Variants in GABRB2 observed in about 807,000 individuals in gnomAD.
GABRB2 encodes gamma-aminobutyric acid type A receptor subunit beta2, also known as gamma-aminobutyric acid receptor subunit beta-2.
A neutral mutation model predicts 54.7 loss-of-function variants in GABRB2; 16 were observed. That is an observed-to-expected ratio of 0.29 (90% CI 0.20 to 0.44). GABRB2 has a LOEUF of 0.44. Ranked by LOEUF, GABRB2 falls within the 20% of genes least tolerant of loss-of-function variation. The probability of loss-of-function intolerance (pLI) is 1.00; values close to 1 mark genes in which losing one functional copy is unlikely to be tolerated. For missense variants in GABRB2, 355 were observed against 644.0 expected (o/e 0.55, Z 4.86); for synonymous variants, 244 against 233.8 (o/e 1.04, Z -0.40).
intron 5 of GABRB2, among the ~76,000 whole-genome samples, chr5:161,373,275 C>A (rs1755184545): frequency 1.3e-5 from 2 of 152,066 alleles, no homozygotes; most frequent in South Asian, 4.1e-4. Flanking sequence ...TCTTACTGTC[C>A]CCACACATTC....
intron 4 of GABRB2, among the ~76,000 whole-genome samples, chr5:161,412,188 A>G (rs1756533244): frequency 6.6e-6 from 1 of 152,184 alleles, no homozygotes; most frequent in Admixed American, 6.5e-5. Flanking sequence ...GACTGAGCCT[A>G]TGGAATTCCT....
At chr5:161,375,214 A>G (rs1486359886) in intron 5 of GABRB2, among the ~76,000 whole-genome samples, 2 of 152,208 alleles carry the variant, frequency 1.3e-5, no homozygotes, top group Non-Finnish European at 1.5e-5. Flanking sequence ...TGAAAGCACC[A>G]AGGGGAAAGA....
chr5:161,300,877 AC>A (rs1401890476), intron 9 of GABRB2, among the ~76,000 whole-genome samples: 1 of 152,196 alleles, frequency 6.6e-6, no homozygotes, highest in Non-Finnish European at 1.5e-5. Flanking sequence ...GAGACTGACC[AC>A]AGTCCACACC....
intron 5 of GABRB2, among the ~76,000 whole-genome samples, chr5:161,344,342 A>G (rs1754256371): frequency 6.6e-6 from 1 of 152,082 alleles, no homozygotes; most frequent in African/African-American, 2.4e-5. Flanking sequence ...TTTTTCTGCA[A>G]ATTTGTAGTC....
At chr5:161,311,357 T>C (rs1757863245) in intron 9 of GABRB2, among the ~76,000 whole-genome samples, 4 of 152,052 alleles carry the variant, frequency 2.6e-5, no homozygotes, top group Admixed American at 2.6e-4. Context: ...TAAAACAGCT[T>C]CACACGCAAT....
chr5:161,389,516 T>C (rs190327945), intron 5 of GABRB2, among the ~76,000 whole-genome samples: 41 of 151,866 alleles, frequency 2.7e-4, no homozygotes, highest in African/African-American at 9.4e-4. Flanking sequence ...TTGATAGATA[T>C]ATAAAAACAT....
intron 3 of GABRB2, among the ~76,000 whole-genome samples, chr5:161,486,736 TCTC>T (rs1758937483): frequency 6.6e-6 from 1 of 151,806 alleles, no homozygotes; most frequent in Non-Finnish European, 1.5e-5. Context: ...TCCTCCTAAG[TCTC>T]CTCCTCCATG....
chr5:161,459,599 A>G, intron 4 of GABRB2, 25 bp downstream of exon 4: 2 of 1,579,598 alleles, frequency 1.3e-6, no homozygotes, highest in Admixed American at 1.7e-5. Flanking sequence ...AGGAAAAGTT[A>G]TATTTTGAAT....
intron 5 of GABRB2, among the ~76,000 whole-genome samples, chr5:161,382,228 G>A (rs1304737065): frequency 2.0e-5 from 3 of 152,180 alleles, no homozygotes; most frequent in East Asian, 3.9e-4. Flanking sequence ...GTTCCCTCCA[G>A]TCCCAGGAAG....
rs939672044 is a variant in GABRB2, at chr5:161,288,655, T to C, written c.*5426A>G. Reference sequence around the variant, plus strand: ...TGAAAATAGATGCAATGATATCCACTGTGTTTTGCATTTTTCTAGCCATCG... The same window carrying C: ...TGAAAATAGATGCAATGATATCCACCGTGTTTTGCATTTTTCTAGCCATCG... On this transcript the variant is annotated 3_prime_UTR_variant, in exon 10 of 10. Transcript: ENST00000393959. The C allele has an allele frequency of 4.6e-5, 7 of 152,470 alleles. No homozygotes were observed. The highest frequency in any genetic ancestry group is 4.6e-4 in the Admixed American group (7 of 15,250). The allele number at this position is 152,470 out of a possible 1,614,324, so 9.4% of individuals were successfully genotyped here. A position where few individuals can be genotyped will look rare whatever the true frequency, so the allele number is the denominator to read the frequency against.
At chr5:161,453,287 G>C (rs1044297706) in intron 4 of GABRB2, among the ~76,000 whole-genome samples, 1 of 152,156 alleles carries the variant, frequency 6.6e-6, no homozygotes, top group African/African-American at 2.4e-5. Context: ...TTTATAATTA[G>C]ATTGTCCTGA....
intron 3 of GABRB2, among the ~76,000 whole-genome samples, chr5:161,520,886 T>A (rs905863692): frequency 6.6e-6 from 1 of 152,032 alleles, no homozygotes; most frequent in Non-Finnish European, 1.5e-5. Flanking sequence ...TAGACCCTAA[T>A]GATCAATACA....
At chr5:161,512,815 C>A (rs1190689650) in intron 3 of GABRB2, among the ~76,000 whole-genome samples, 1 of 151,636 alleles carries the variant, frequency 6.6e-6, no homozygotes, top group Non-Finnish European at 1.5e-5. Flanking sequence ...AGAATGCATC[C>A]AACAAAGGTC....
intron 3 of GABRB2, among the ~76,000 whole-genome samples, chr5:161,531,639 A>G (rs1760465778): frequency 6.6e-6 from 1 of 152,098 alleles, no homozygotes; most frequent in African/African-American, 2.4e-5. Flanking sequence ...TTACATACCT[A>G]TGATCCAATA....
chr5:161,388,506 T>C (rs775367398), intron 5 of GABRB2, among the ~76,000 whole-genome samples: 12 of 152,042 alleles, frequency 7.9e-5, no homozygotes, highest in Non-Finnish European at 1.6e-4. Flanking sequence ...GATACACACA[T>C]TCTTGACTAA....
chr5:161,388,405 A>C (rs977214425), intron 5 of GABRB2, among the ~76,000 whole-genome samples: 1 of 152,018 alleles, frequency 6.6e-6, no homozygotes, highest in African/African-American at 2.4e-5. Flanking sequence ...AGCCTATCGA[A>C]ATTTTTCAAA....
rs571843239 is a variant in GABRB2 at position 161,307,780 on chromosome 5, T to G, written c.1192-13352A>C. Among the ~76,000 whole-genome samples the G allele has an allele frequency of 2.0e-5, 3 of 152,256 alleles. No individual in the cohort carries two copies. In the East Asian group the frequency reaches 5.8e-4, roughly 29 times the overall value. On this transcript the variant is annotated intron_variant, in intron 9 of 9. Coordinates refer to ENST00000393959, the MANE Select transcript of GABRB2 (RefSeq NM_001371727.1). ...ACGTGTAACAAAAGGTACCCATTGC[T>G]ATGGATACTTGCAACTTTAAACTTC... is the stretch of plus-strand genomic sequence containing the variant.
At chr5:161,437,103 A>C (rs1186596257) in intron 4 of GABRB2, among the ~76,000 whole-genome samples, 2 of 152,158 alleles carry the variant, frequency 1.3e-5, no homozygotes, top group Non-Finnish European at 2.9e-5. Flanking sequence ...GGGCGGATTT[A>C]GGCCCAGAGA....
chr5:161,466,343 T>C (rs913388739), intron 3 of GABRB2, among the ~76,000 whole-genome samples: 37 of 152,206 alleles, frequency 2.4e-4, no homozygotes, highest in Non-Finnish European at 4.4e-4. Context: ...AATAAACAAA[T>C]ATCTTTGGTA....
Sources: allele counts gnomAD v4.1 joint callset (sites outside exome capture counted in the v4.1 genomes callset), GRCh38; gene constraint gnomAD v4.1.1; transcripts MANE v1.5; gene names NCBI Gene and HGNC (gene_info 2026-07-23, HGNC 2026-07-21).